The following ANKRD33B variants were observed in gnomAD, a reference collection of about 807,000 sequenced individuals.
ANKRD33B encodes the protein ankyrin repeat domain 33B, also known as ankyrin repeat domain-containing protein 33B.
Under a neutral mutation model 21.5 loss-of-function variants are expected in ANKRD33B, and 6 were observed. The ratio of observed to expected loss-of-function variants is 0.28; its 90% CI spans 0.15 to 0.55. The LOEUF is 0.55. ANKRD33B is among the 20% of genes least tolerant of loss of function. ANKRD33B has a pLI of 0.94. For missense variants in ANKRD33B, 698 were observed against 747.2 expected (o/e 0.93, Z 0.77); for synonymous variants, 347 against 342.4 (o/e 1.01, Z -0.15).
intron 1 of ANKRD33B, among the ~76,000 whole-genome samples, chr5:10,608,951 A>G (rs1736108792): frequency 1.3e-5 from 2 of 152,344 alleles, no homozygotes; most frequent in Admixed American, 1.3e-4. Context: ...TTGGTGCCCC[A>G]GGGCCTCCTT....
At chr5:10,589,681 G>T (rs1735641114) in intron 1 of ANKRD33B, among the ~76,000 whole-genome samples, 3 of 152,198 alleles carry the variant, frequency 2.0e-5, no homozygotes, top group Admixed American at 1.3e-4. Flanking sequence ...GAGGTCTAAG[G>T]ATTTTTTTAC....
rs1269575979 is a variant in ANKRD33B at position 10,650,277 on chromosome 5, AG to A, written c.*167del. On this transcript the variant is annotated 3_prime_UTR_variant, in exon 4 of 4. Coordinates refer to ENST00000296657, the MANE Select transcript of ANKRD33B (RefSeq NM_001164440.2). ...TGTTTGTCCAGGCTGCTTCCAAGAG[AG>A]GGCTGAGGGAGCCACATGGATTCGC... 1 of 736,226 alleles carries A rather than the reference AG, an allele frequency of 1.4e-6. No homozygotes were observed. The highest frequency in any genetic ancestry group is 1.9e-6 in the Non-Finnish European group (1 of 523,994). The allele number at this position is 736,226 out of a possible 1,614,324, so 45.6% of individuals were successfully genotyped here. A position where few individuals can be genotyped will look rare whatever the true frequency, so the allele number is the denominator to read the frequency against.
chr5:10,575,354 A>C (rs1168358102), intron 1 of ANKRD33B, among the ~76,000 whole-genome samples: 2 of 148,800 alleles, frequency 1.3e-5, no homozygotes, highest in Admixed American at 1.4e-4. Flanking sequence ...TGAACCAGGG[A>C]GGCGGAGGTT....
In ANKRD33B at chr5:10,651,383, C is replaced by G. The variant is rs973819681; in HGVS notation, c.*1270C>G. 6.6e-5 allele frequency: 10 copies of G among 152,140 alleles called. No homozygotes were observed. Among genetic ancestry groups the G allele is most frequent in the East Asian group, 3.7e-4 (2 of 5,342 alleles). The allele number at this position is 152,140 out of a possible 1,614,324, so 9.4% of individuals were successfully genotyped here. On this transcript the variant is annotated 3_prime_UTR_variant, in exon 4 of 4. Coordinates refer to ENST00000296657, the MANE Select transcript of ANKRD33B (RefSeq NM_001164440.2). ...CAAGCTCTTGGTGAGAGTCTTATGT[C>G]CACACTTTTATCTCCAAAGTGACAT... is the stretch of plus-strand genomic sequence containing the variant.
intron 1 of ANKRD33B, among the ~76,000 whole-genome samples, chr5:10,612,474 G>A (rs1281071921): frequency 6.6e-6 from 1 of 152,212 alleles, no homozygotes; most frequent in Non-Finnish European, 1.5e-5. Context: ...ATCACCGTGA[G>A]GGTTAGGATT....
At chr5:10,647,322 T>C (rs2062196) in intron 3 of ANKRD33B, among the ~76,000 whole-genome samples, 47,951 of 151,810 alleles carry the variant, frequency 0.32, 7,972 homozygotes, top group Admixed American at 0.4. Context: ...ATTGGCCAGG[T>C]TGGTCCCAAA....
chr5:10,608,180 C>T (rs187313656), intron 1 of ANKRD33B, among the ~76,000 whole-genome samples: 1 of 142,496 alleles, frequency 7.0e-6, no homozygotes, highest in Non-Finnish European at 1.5e-5. Flanking sequence ...GAAACCCTGT[C>T]TCCACTAAAA....
intron 1 of ANKRD33B, among the ~76,000 whole-genome samples, chr5:10,589,929 C>G (rs1039941048): frequency 6.7e-6 from 1 of 149,642 alleles, no homozygotes; most frequent in Non-Finnish European, 1.5e-5. Context: ...GTATGTTATG[C>G]TTTTCTTCCT....
chr5:10,609,876 T>C (rs1736127220), intron 1 of ANKRD33B, among the ~76,000 whole-genome samples: 1 of 152,110 alleles, frequency 6.6e-6, no homozygotes, highest in Non-Finnish European at 1.5e-5. Context: ...GCCATTGCAC[T>C]ATAGCCTGGG....
intron 3 of ANKRD33B, among the ~76,000 whole-genome samples, chr5:10,648,759 C>T (rs1737246375): frequency 6.6e-6 from 1 of 150,858 alleles, no homozygotes; most frequent in South Asian, 2.1e-4. Flanking sequence ...AATTCTGTCT[C>T]GAAAAAAAAA....
At chr5:10,609,397 C>G (rs775750217) in intron 1 of ANKRD33B, among the ~76,000 whole-genome samples, 1 of 151,728 alleles carries the variant, frequency 6.6e-6, no homozygotes, top group African/African-American at 2.4e-5. Context: ...TACAAAAATA[C>G]AAAAATTAGC....
rs796645850 is a variant in ANKRD33B at position 10,639,970 on chromosome 5, G to C, written c.637+1802G>C. Among the ~76,000 whole-genome samples the C allele has an allele frequency of 1.0e-4, 5 of 50,090 alleles. 2 individuals carry two copies. Among genetic ancestry groups the C allele is most frequent in the Admixed American group, 6.8e-4 (2 of 2,940 alleles). 32.9% of individuals were successfully genotyped at this position (50,090 alleles called of 152,430 possible). On this transcript the variant is annotated intron_variant, in intron 3 of 3. Transcript: ENST00000296657. ...CGTGGAGTTGCGCGGTGATGTTAGC[G>C]GGTGACGCGGAGTTGCGCGGCGATG...
At chr5:10,644,556 C>A (rs55727734) in intron 3 of ANKRD33B, among the ~76,000 whole-genome samples, 63,874 of 151,974 alleles carry the variant, frequency 0.42, 13,700 homozygotes, top group Middle Eastern at 0.56. Context: ...GATTCCAAGG[C>A]GCAAAGTGGA....
rs1736056608 is a variant in ANKRD33B at position 10,606,841 on chromosome 5, G to A, written c.367-11492G>A. Among the ~76,000 whole-genome samples, 4 of 150,978 alleles carry A rather than the reference G, an allele frequency of 2.6e-5. No homozygotes were observed. The South Asian group carries it at 8.4e-4, about 32-fold the overall frequency. On this transcript the variant is annotated intron_variant, in intron 1 of 3. Transcript: ENST00000296657. ...CCTCCCAGGTTCATGCCATTCTCCT[G>A]CCTCAGCCTCCTGAGTAGTTGCGAT...
chr5:10,631,575 AC>A (rs917870977), intron 2 of ANKRD33B, among the ~76,000 whole-genome samples: 12 of 152,334 alleles, frequency 7.9e-5, no homozygotes, highest in African/African-American at 2.6e-4. Context: ...CCAGAAACAG[AC>A]CCTTCCAGGG....
rs1378840978 is a variant in ANKRD33B at position 10,653,970 on chromosome 5, A to G, written c.*3857A>G. The stretch of plus-strand genomic sequence containing the variant: ...CCACAGTGCCCCCTCTGGCTTTGCC[A>G]CCACGTTCTCCTGCCCCCGTCACCT... On this transcript the variant is annotated 3_prime_UTR_variant, in exon 4 of 4. Coordinates refer to ENST00000296657, the MANE Select transcript of ANKRD33B (RefSeq NM_001164440.2). 2 of 152,546 alleles carry G rather than the reference A, an allele frequency of 1.3e-5. No individual in the cohort carries two copies. Among genetic ancestry groups the G allele is most frequent in the Non-Finnish European group, 2.9e-5 (2 of 68,232 alleles). The allele number at this position is 152,546 out of a possible 1,614,324, so 9.4% of individuals were successfully genotyped here.
chr5:10,605,534 CTT>C (rs35088716), intron 1 of ANKRD33B, among the ~76,000 whole-genome samples: 1 of 146,850 alleles, frequency 6.8e-6, no homozygotes. Context: ...TTTCTTCTTC[CTT>C]TTTTTTTTTG....
Position 10,649,810 on chromosome 5 carries a change from G to A in ANKRD33B, c.1182G>A (p.Arg394=). The change falls in exon 4 of 4, where the codon CGG becomes CGA. Residue 394 remains arginine, a synonymous_variant. Coordinates refer to ENST00000296657, the MANE Select transcript of ANKRD33B (RefSeq NM_001164440.2). ...GCCTCCCTCCCGCCCTGGGGTCCCG[G>A]GGCCCCGCAGCGCCCGCCCCGCGGA... The part of the protein sequence containing the change: ...RAGLPPALGS[R]GPAAPAPRKA... The A allele has an allele frequency of 1.4e-6, 2 of 1,385,478 alleles. No individual in the cohort carries two copies. The highest frequency in any genetic ancestry group is 3.1e-5 in the East Asian group (1 of 31,898). The allele number at this position is 1,385,478 out of a possible 1,614,324, so 85.8% of individuals were successfully genotyped here.
chr5:10,647,407 C>T (rs1318632104), intron 3 of ANKRD33B, among the ~76,000 whole-genome samples: 1 of 152,280 alleles, frequency 6.6e-6, no homozygotes, highest in Non-Finnish European at 1.5e-5. Flanking sequence ...CTATGCCTGG[C>T]CCCTCAATGA....
Sources: gnomAD v4.1 joint callset for allele counts (sites outside exome capture counted in the v4.1 genomes callset) on GRCh38, gnomAD v4.1.1 for gene constraint, MANE v1.5 for transcripts, NCBI Gene and HGNC (gene_info 2026-07-23, HGNC 2026-07-21) for gene names.